RPS6KC1: variants seen among roughly 807,000 people sequenced by gnomAD.
The protein encoded by RPS6KC1 is inactive ribosomal protein S6 kinase delta-1.
Under a neutral mutation model 103.8 loss-of-function variants are expected in RPS6KC1, and 54 were observed. The observed-to-expected ratio is 0.52, with a 90% CI of 0.42 to 0.65. RPS6KC1 has a LOEUF of 0.65. RPS6KC1 is among the 30% of genes least tolerant of loss of function. The pLI, the probability that RPS6KC1 is intolerant of heterozygous loss-of-function variation, is 0.00. For synonymous variants in RPS6KC1, 439 were observed against 438.7 expected (o/e 1.00, Z -0.01); for missense variants, 1,151 against 1,253.8 (o/e 0.92, Z 1.24).
At chr1:213,074,375 A>G (rs1572357590) in intron 2 of RPS6KC1, among the ~76,000 whole-genome samples, 1 of 152,242 alleles carries the variant, frequency 6.6e-6, no homozygotes, top group Non-Finnish European at 1.5e-5. Context: ...CAATAAAGAA[A>G]GAGGTTGTTA....
the RPS6KC1 span, among the ~76,000 whole-genome samples, chr1:213,444,968 C>T: frequency 2.6e-5 from 4 of 152,122 alleles, no homozygotes; most frequent in African/African-American, 9.7e-5. Context: ...TTTTCATTAC[C>T]TCAAAAAGAA....
At chr1:213,079,918 CTTTTTTTTTTTT>C (rs550713502) in intron 3 of RPS6KC1, among the ~76,000 whole-genome samples, 1 of 130,186 alleles carries the variant, frequency 7.7e-6, no homozygotes, top group Non-Finnish European at 1.7e-5. Context: ...TTCTTTTTTT[CTTTTTTTTTTTT>C]TTTGAGATGA....
At chr1:213,177,406 A>G (rs529265991) in intron 8 of RPS6KC1, among the ~76,000 whole-genome samples, 5 of 152,344 alleles carry the variant, frequency 3.3e-5, no homozygotes, top group Admixed American at 2.0e-4. Flanking sequence ...TTAACTTACT[A>G]TACATTATTT....
chr1:213,555,164 G>C, the RPS6KC1 span, among the ~76,000 whole-genome samples: 2 of 152,134 alleles, frequency 1.3e-5, no homozygotes, highest in South Asian at 4.1e-4. Context: ...ACCCAGAAAG[G>C]CTTGCTAAGA....
At chr1:213,259,839 A>G (rs1373823508) in intron 12 of RPS6KC1, among the ~76,000 whole-genome samples, 1 of 149,450 alleles carries the variant, frequency 6.7e-6, no homozygotes, top group Non-Finnish European at 1.5e-5. Context: ...CCTGGGTTCA[A>G]GCGATTCTCC....
chr1:213,632,449 G>A, the RPS6KC1 span, among the ~76,000 whole-genome samples: 1 of 152,322 alleles, frequency 6.6e-6, no homozygotes, highest in South Asian at 2.1e-4. Context: ...CTGCAGCTGA[G>A]GCACCTGACT....
intron 8 of RPS6KC1, among the ~76,000 whole-genome samples, chr1:213,194,348 GT>G (rs1389919473): frequency 1.3e-5 from 2 of 152,152 alleles, no homozygotes; most frequent in Non-Finnish European, 2.9e-5. Context: ...CTGCCATTTT[GT>G]TTTCTGGTGA....
the RPS6KC1 span, among the ~76,000 whole-genome samples, chr1:213,677,614 T>C: frequency 6.6e-6 from 1 of 151,460 alleles, no homozygotes; most frequent in Admixed American, 6.5e-5. Context: ...CTTTCCAGAC[T>C]CTGTTCAGAT....
At chr1:213,546,519 A>G in the RPS6KC1 span, 1 of 152,208 alleles carries the variant, frequency 6.6e-6, no homozygotes, top group Non-Finnish European at 1.5e-5. Flanking sequence ...TGTACCCAAC[A>G]TATATTATTA....
the RPS6KC1 span, among the ~76,000 whole-genome samples, chr1:213,396,926 G>T: frequency 3.9e-5 from 6 of 152,320 alleles, no homozygotes; most frequent in Non-Finnish European, 7.3e-5. Context: ...CTCCACGATG[G>T]CCAGGGTGTT....
chr1:213,426,660 G>T, the RPS6KC1 span, among the ~76,000 whole-genome samples: 1 of 152,148 alleles, frequency 6.6e-6, no homozygotes, highest in Non-Finnish European at 1.5e-5. Context: ...TCTAATGGTT[G>T]GTTAATTTAG....
chr1:213,627,863 G>A, the RPS6KC1 span, among the ~76,000 whole-genome samples: 6 of 152,194 alleles, frequency 3.9e-5, no homozygotes, highest in African/African-American at 9.7e-5. Flanking sequence ...ATGTTCATCA[G>A]GGATATTGCT....
At chr1:213,140,847 ATTT>A in intron 6 of RPS6KC1, among the ~76,000 whole-genome samples, 1 of 132,562 alleles carries the variant, frequency 7.5e-6, no homozygotes. Flanking sequence ...GAATCCCTTG[ATTT>A]TTTTTTTTTT....
chr1:213,208,388 T>A (rs1193985410), intron 8 of RPS6KC1, among the ~76,000 whole-genome samples: 1 of 152,254 alleles, frequency 6.6e-6, no homozygotes, highest in Non-Finnish European at 1.5e-5. Context: ...GTTTTTCTCC[T>A]CCTTTGCCTT....
chr1:213,774,691 C>T, the RPS6KC1 span, among the ~76,000 whole-genome samples: 1 of 152,308 alleles, frequency 6.6e-6, no homozygotes, highest in East Asian at 1.9e-4. Flanking sequence ...CTTAGCAGTG[C>T]TCCCTTCCCT....
the RPS6KC1 span, among the ~76,000 whole-genome samples, chr1:213,353,821 C>A: frequency 2.0e-5 from 3 of 152,086 alleles, no homozygotes; most frequent in Non-Finnish European, 4.4e-5. Context: ...GAGAAAGGGA[C>A]AGAAAGAAAT....
chr1:213,648,707 A>G, the RPS6KC1 span, among the ~76,000 whole-genome samples: 1 of 151,874 alleles, frequency 6.6e-6, no homozygotes, highest in Non-Finnish European at 1.5e-5. Context: ...TCTCCTGACT[A>G]GTTTTCTTGT....
chr1:213,101,368 A>G (rs758714060), intron 3 of RPS6KC1, among the ~76,000 whole-genome samples: 1 of 152,208 alleles, frequency 6.6e-6, no homozygotes, highest in Admixed American at 6.5e-5. Context: ...ATGTAATTGA[A>G]GCTTATTTAA....
At chr1:213,715,197 C>T in the RPS6KC1 span, among the ~76,000 whole-genome samples, 3,253 of 152,230 alleles carry the variant, frequency 0.021, 119 homozygotes, top group African/African-American at 0.074. Flanking sequence ...TGTGGTGGCT[C>T]ACAAAAGTGG....
Sources: allele counts gnomAD v4.1 joint callset (sites outside exome capture counted in the v4.1 genomes callset), GRCh38; gene constraint gnomAD v4.1.1; transcripts MANE v1.5; gene names NCBI Gene and HGNC (gene_info 2026-07-23, HGNC 2026-07-21).